The following FAM184B variants were observed in gnomAD, a reference collection of about 807,000 sequenced individuals.
FAM184B encodes protein FAM184B.
Under a neutral mutation model 135.9 loss-of-function variants are expected in FAM184B, and 111 were observed. The observed-to-expected ratio is 0.82, with a 90% confidence interval of 0.70 to 0.96. The LOEUF (loss-of-function observed/expected upper bound fraction) is 0.96. Among genes scored for constraint, FAM184B ranks in the 40% least tolerant of loss-of-function variants. The pLI, the probability that FAM184B is intolerant of heterozygous loss-of-function variation, is 0.00. For synonymous variants in FAM184B, 552 were observed against 524.8 expected (o/e 1.05, Z -0.71); for missense variants, 1,375 against 1,323.9 (o/e 1.04, Z -0.60).
At chr4:17,637,589 C>G (rs1309777810) in intron 14 of FAM184B, among the ~76,000 whole-genome samples, 4 of 152,182 alleles carry the variant, frequency 2.6e-5, no homozygotes, top group African/African-American at 4.8e-5. Context: ...TAATGGGAGC[C>G]TGGCATATAG....
At chr4:17,714,396 T>C (rs973638182) in intron 1 of FAM184B, among the ~76,000 whole-genome samples, 7 of 152,106 alleles carry the variant, frequency 4.6e-5, no homozygotes, top group Non-Finnish European at 2.9e-5. Context: ...GCAAACTTAA[T>C]GCAGAGGAGT....
chr4:17,704,385 C>T (rs1311336436), intron 5 of FAM184B, among the ~76,000 whole-genome samples: 3 of 152,232 alleles, frequency 2.0e-5, no homozygotes, highest in Non-Finnish European at 4.4e-5. Flanking sequence ...AGAAATTTCC[C>T]TCACTTTGGC....
intron 1 of FAM184B, among the ~76,000 whole-genome samples, chr4:17,733,017 CA>C (rs1165566452): frequency 3.9e-5 from 6 of 152,154 alleles, no homozygotes; most frequent in African/African-American, 1.2e-4. Flanking sequence ...TCCTGGGATG[CA>C]AGGCTGGTTC....
chr4:17,637,112 C>T (rs1318492461), intron 14 of FAM184B, among the ~76,000 whole-genome samples: 2 of 152,106 alleles, frequency 1.3e-5, no homozygotes, highest in African/African-American at 2.4e-5. Flanking sequence ...CTGCAACCTC[C>T]GCCTCCCTGG....
Position 17,686,667 on chromosome 4 carries a change from C to T in FAM184B, c.1596+1757G>A, listed in dbSNP as rs184081280. On this transcript the variant is annotated intron_variant, in intron 7 of 17. Transcript: ENST00000265018. The stretch of plus-strand genomic sequence containing the variant: ...GTTGGAAAATTCCAATGAAGCTGAG[C>T]ATGCTGGCTCATGCCTGTAATCCCA... Among the ~76,000 whole-genome samples the T allele has an allele frequency of 1.0e-3, 154 of 152,338 alleles. 1 individual carries two copies. Among genetic ancestry groups the T allele is most frequent in the African/African-American group, 3.4e-3 (140 of 41,588 alleles).
At position 17,766,105 on chromosome 4, in the gene FAM184B, A is replaced by C. The variant is rs1477504633; in HGVS notation, c.141+15054T>G. On this transcript the variant is annotated intron_variant, in intron 1 of 17. Coordinates refer to ENST00000265018, the MANE Select transcript of FAM184B (RefSeq NM_015688.2). The stretch of plus-strand genomic sequence containing the variant: ...CACAGGAAGATTTATTACAAAGAGC[A>C]AGATTGGGAAGGTAACCTAACCAGG... 3.3e-5 allele frequency among the ~76,000 whole-genome samples: 5 copies of C among 152,206 alleles called. 1 individual carries two copies. The East Asian group carries it at 5.8e-4, about 18-fold the overall frequency.
At position 17,641,994 on chromosome 4, in the gene FAM184B, AG is replaced by A. The variant is rs1300226985; in HGVS notation, c.2519+61del. 8 of 933,610 alleles carry A rather than the reference AG, an allele frequency of 8.6e-6. No individual in the cohort carries two copies. The African/African-American group carries it at 2.0e-4, about 23-fold the overall frequency. The allele number at this position is 933,610 out of a possible 1,614,324, so 57.8% of individuals were successfully genotyped here. ...AGGCTCAGCCAGCCGCAGTAGGGGG[AG>A]GGGGGGTGGCGGGGTAGGGGGTGAG... is the stretch of plus-strand genomic sequence containing the variant. On this transcript the variant is annotated intron_variant, in intron 13 of 17. Coordinates refer to ENST00000265018, the MANE Select transcript of FAM184B (RefSeq NM_015688.2).
intron 1 of FAM184B, among the ~76,000 whole-genome samples, chr4:17,739,516 G>A (rs1264352793): frequency 7.2e-6 from 1 of 138,682 alleles, no homozygotes; most frequent in Non-Finnish European, 1.5e-5. Flanking sequence ...AGAATAACAA[G>A]AGCCTGGCTG....
chr4:17,735,328 T>C (rs959438918), intron 1 of FAM184B, among the ~76,000 whole-genome samples: 1 of 152,022 alleles, frequency 6.6e-6, no homozygotes, highest in Admixed American at 6.6e-5. Context: ...ACTTAAAGTA[T>C]AATAATAATG....
chr4:17,779,457 GA>G (rs1275129682), intron 1 of FAM184B, among the ~76,000 whole-genome samples: 1 of 152,220 alleles, frequency 6.6e-6, no homozygotes, highest in African/African-American at 2.4e-5. Context: ...TGTGTGCCAA[GA>G]ATCATGTATG....
At chr4:17,733,940 G>C (rs895756366) in intron 1 of FAM184B, among the ~76,000 whole-genome samples, 1 of 152,104 alleles carries the variant, frequency 6.6e-6, no homozygotes, top group Non-Finnish European at 1.5e-5. Flanking sequence ...ATACTACAAG[G>C]CTACAGTAAC....
At chr4:17,741,431 C>T (rs565699407) in intron 1 of FAM184B, among the ~76,000 whole-genome samples, 4 of 152,074 alleles carry the variant, frequency 2.6e-5, no homozygotes, top group East Asian at 3.9e-4. Flanking sequence ...TGGTGGCTCA[C>T]GCCTGTAATC....
rs769143476 is a variant in FAM184B, at chr4:17,631,230, T to C, written c.*1302A>G. 1 of 151,070 alleles carries C rather than the reference T, an allele frequency of 6.6e-6. No homozygotes were observed. The highest frequency in any genetic ancestry group is 2.1e-4 in the South Asian group (1 of 4,828). The allele number at this position is 151,070 out of a possible 1,614,324, so 9.4% of individuals were successfully genotyped here. ...GGGATATATATATATATTTTTTTAA[T>C]CTGTAGAGATGGGATCTCACTATCT... On this transcript the variant is annotated 3_prime_UTR_variant, in exon 18 of 18. Coordinates refer to ENST00000265018, the MANE Select transcript of FAM184B (RefSeq NM_015688.2).
chr4:17,682,563 G>A (rs11722189), intron 7 of FAM184B, among the ~76,000 whole-genome samples: 80,123 of 152,004 alleles, frequency 0.53, 23,369 homozygotes, highest in East Asian at 0.82. Flanking sequence ...CAGTGGCACA[G>A]TCTTGGCTCA....
intron 7 of FAM184B, among the ~76,000 whole-genome samples, chr4:17,680,044 GA>G (rs2108952075): frequency 1.3e-5 from 2 of 152,266 alleles, no homozygotes; most frequent in East Asian, 1.9e-4. Context: ...AGAAGGGGGT[GA>G]GGGGTAAAAG....
chr4:17,761,198 G>A (rs1371688719), intron 1 of FAM184B, among the ~76,000 whole-genome samples: 2 of 152,068 alleles, frequency 1.3e-5, no homozygotes, highest in Non-Finnish European at 2.9e-5. Context: ...TCAGCACAAA[G>A]GGAGTCCCCT....
intron 7 of FAM184B, among the ~76,000 whole-genome samples, chr4:17,673,468 A>T (rs1435465419): frequency 6.6e-6 from 1 of 152,218 alleles, no homozygotes; most frequent in Non-Finnish European, 1.5e-5. Flanking sequence ...TTGCACAGGC[A>T]TGTTTATAGC....
In FAM184B at chr4:17,639,263, C is replaced by A; in HGVS notation, c.2653G>T (p.Ala885Ser). The change falls in exon 14 of 18, where the codon GCC becomes TCC. Residue 885 changes from alanine (A) to serine (S), a missense_variant. Ala to Ser is a moderately conservative substitution (Grantham distance 99). Transcript: ENST00000265018. ...GGCCTCACTTACTCGGCTTCCAGGG[C>A]AGCCAGCCGGGCCTGGAGCTGGGCC... The part of the protein sequence containing the change: ...AQAQLQARLA[A>S]LEAELKDSGE... 6.4e-7 allele frequency: 1 copy of A among 1,551,672 alleles called. No homozygotes were observed. The highest frequency in any genetic ancestry group is 8.7e-7 in the Non-Finnish European group (1 of 1,146,992).
chr4:17,714,168 T>A (rs2315563), intron 1 of FAM184B, among the ~76,000 whole-genome samples: 1 of 151,498 alleles, frequency 6.6e-6, no homozygotes, highest in African/African-American at 2.4e-5. Context: ...GCTGCTGCAG[T>A]TCATCAAGGA....
Sources: gnomAD v4.1 joint callset for allele counts (sites outside exome capture counted in the v4.1 genomes callset) on GRCh38, gnomAD v4.1.1 for gene constraint, MANE v1.5 for transcripts, NCBI Gene and HGNC (gene_info 2026-07-23, HGNC 2026-07-21) for gene names.